BRWD3: variants seen among roughly 807,000 people sequenced by gnomAD.
BRWD3 encodes bromodomain and WD repeat domain containing 3.
A neutral mutation model predicts 149.7 loss-of-function variants in BRWD3; 10 were observed. That is an observed-to-expected ratio of 0.07 (90% confidence interval 0.04 to 0.11). The LOEUF (loss-of-function observed/expected upper bound fraction) is 0.11, where lower values mean the gene tolerates loss of function less well. BRWD3 is among the 10% of genes least tolerant of loss of function. The probability of loss-of-function intolerance (pLI) is 1.00; values close to 1 mark genes in which losing one functional copy is unlikely to be tolerated. For missense variants in BRWD3, 940 were observed against 1,373.2 expected (o/e 0.68, Z 4.99); for synonymous variants, 504 against 456.7 (o/e 1.10, Z -1.32).
chrX:80,801,823 A>G (rs1214639519), intron 4 of BRWD3, among the ~76,000 whole-genome samples: 2 of 110,738 alleles, frequency 1.8e-5, no homozygotes, highest in African/African-American at 3.3e-5. Context: ...ACAGAGCAAA[A>G]CTCTGTCTCA....
At position 80,789,374 on chromosome X, in the gene BRWD3, A is replaced by AT. The variant is rs1318459868; in HGVS notation, c.430+2479dup. The stretch of plus-strand genomic sequence containing the variant: ...TTCTGGAAAGAGTTTCCATGCTTAA[A>AT]TTTTTTTTTTCTTTTTTTTGAGACG... On this transcript the variant is annotated intron_variant, in intron 6 of 40. Coordinates refer to ENST00000373275, the MANE Select transcript of BRWD3 (RefSeq NM_153252.5). Among the ~76,000 whole-genome samples, 12 of 108,547 alleles carry AT rather than the reference A, an allele frequency of 1.1e-4. No homozygotes were observed. In the East Asian group the frequency reaches 2.3e-3, roughly 21 times the overall value. 94.3% of individuals were successfully genotyped at this position (108,547 alleles called of 115,157 possible).
rs372993559 is a variant in BRWD3, at chrX:80,686,903, G to A, written c.3965C>T (p.Ser1322Leu). The change falls in exon 35 of 41, where the codon TCG (serine) becomes TTG (leucine). Residue 1322 changes from serine to leucine, a missense_variant. Physicochemically the swap from Ser to Leu is moderately radical, Grantham distance 145. Transcript: ENST00000373275. Reference sequence around the variant, plus strand: ...ATCAGCTGGCTGTCGAAATGGCTCCGAGTCTTCACGTTCATAAATGAGGCT... The same window carrying A: ...ATCAGCTGGCTGTCGAAATGGCTCCAAGTCTTCACGTTCATAAATGAGGCT... ...LLSLIYERED[S>L]EPFRQPADLL... 1.1e-5 allele frequency: 13 copies of A among 1,207,224 alleles called. No individual in the cohort carries two copies. The highest frequency in any genetic ancestry group is 6.6e-5 in the Admixed American group (3 of 45,471).
intron 26 of BRWD3, among the ~76,000 whole-genome samples, chrX:80,696,262 T>C (rs2072690379): frequency 9.0e-6 from 1 of 110,894 alleles, no homozygotes; most frequent in Admixed American, 9.7e-5. Flanking sequence ...GAATTAATGT[T>C]CTTTAATCTC....
At chrX:80,710,225 C>T (rs771985128) in intron 20 of BRWD3, 34 of 416,066 alleles carry the variant, frequency 8.2e-5, no homozygotes, top group Non-Finnish European at 1.5e-4. Flanking sequence ...TAGACCACTT[C>T]CTGTGTCTTC....
At chrX:80,783,042 A>T (rs2074071783) in intron 6 of BRWD3, among the ~76,000 whole-genome samples, 2 of 111,627 alleles carry the variant, frequency 1.8e-5, no homozygotes, top group East Asian at 2.8e-4. Flanking sequence ...AATGGCAAAC[A>T]GGCATATGAA....
chrX:80,760,108 CT>C (rs1322957677), intron 6 of BRWD3, among the ~76,000 whole-genome samples: 1 of 112,069 alleles, frequency 8.9e-6, no homozygotes, highest in Non-Finnish European at 1.9e-5. Flanking sequence ...TACTTTGTTA[CT>C]TCATACCTAA....
chrX:80,714,796 T>C (rs897797552), intron 20 of BRWD3, among the ~76,000 whole-genome samples: 15 of 111,864 alleles, frequency 1.3e-4, no homozygotes, highest in South Asian at 3.7e-4. Context: ...TTATATCCCA[T>C]TGAGGATTAT....
At chrX:80,805,966 A>T (rs1485561731) in intron 4 of BRWD3, among the ~76,000 whole-genome samples, 1 of 111,934 alleles carries the variant, frequency 8.9e-6, no homozygotes. Flanking sequence ...CACCTACCCC[A>T]AGAAAAAGTA....
At chrX:80,762,259 G>A (rs949877383) in intron 6 of BRWD3, among the ~76,000 whole-genome samples, 14 of 111,501 alleles carry the variant, frequency 1.3e-4, no homozygotes, top group African/African-American at 4.2e-4. Context: ...TTGAATGGAC[G>A]TTAAAGATAA....
Position 80,782,564 on chromosome X carries a change from GA to G in BRWD3, c.430+9289del, listed in dbSNP as rs746819019. Among the ~76,000 whole-genome samples, 58 of 111,289 alleles carry G rather than the reference GA, an allele frequency of 5.2e-4. No homozygotes were observed. The South Asian group carries it at 9.3e-3, about 18-fold the overall frequency. ...AATGAAAAGACAACCCAAATAATGA[GA>G]AAAAATATTTACAAAGTATCCATCT... On this transcript the variant is annotated intron_variant, in intron 6 of 40. Coordinates refer to ENST00000373275, the MANE Select transcript of BRWD3 (RefSeq NM_153252.5).
rs2147661628 is a variant in BRWD3 at position 80,671,696 on chromosome X, C to T, written c.*4913G>A. 1 of 111,996 alleles carries T rather than the reference C, an allele frequency of 8.9e-6. No individual in the cohort carries two copies. Among genetic ancestry groups the T allele is most frequent in the South Asian group, 3.7e-4 (1 of 2,702 alleles). The allele number at this position is 111,996 out of a possible 1,213,427, so 9.2% of individuals were successfully genotyped here. On this transcript the variant is annotated 3_prime_UTR_variant, in exon 41 of 41. Transcript: ENST00000373275. ...TTATAAATCAAGCCAGTTTATATTACCTTTTTTACTGAATTTTAGTTTAAC... is the reference window on the plus strand; with the variant it reads ...TTATAAATCAAGCCAGTTTATATTATCTTTTTTACTGAATTTTAGTTTAAC...
chrX:80,696,626 C>T, intron 26 of BRWD3, 113 bp downstream of exon 26: 1 of 867,259 alleles, frequency 1.2e-6, no homozygotes, highest in African/African-American at 2.0e-5. Flanking sequence ...ATTCTAAACC[C>T]TGTAGTAAAG....
At chrX:80,784,662 G>C (rs2147845331) in intron 6 of BRWD3, among the ~76,000 whole-genome samples, 1 of 111,724 alleles carries the variant, frequency 9.0e-6, no homozygotes, top group Non-Finnish European at 1.9e-5. Flanking sequence ...TCCTGTGTTA[G>C]TTTGCTGAGG....
At chrX:80,692,295 A>G in intron 28 of BRWD3, 145 bp from the exon 29 acceptor site, 1 of 511,805 alleles carries the variant, frequency 2.0e-6, no homozygotes. Flanking sequence ...GGTTACATAC[A>G]GATAACAATA....
intron 27 of BRWD3, among the ~76,000 whole-genome samples, chrX:80,694,133 A>G (rs2072648323): frequency 9.0e-6 from 1 of 111,721 alleles, no homozygotes; most frequent in Admixed American, 9.5e-5. Flanking sequence ...TCCAGCCATG[A>G]CTAAAAGGGG....
rs1017704827 is a variant in BRWD3 at position 80,725,450 on chromosome X, C to A, written c.1387-383G>T. On this transcript the variant is annotated intron_variant, in intron 14 of 40. Coordinates refer to ENST00000373275, the MANE Select transcript of BRWD3 (RefSeq NM_153252.5). Reference sequence around the variant, plus strand: ...GATAAATACAATCCAGCACTCTATTCTCTATTACTGGTATTCAAATTGTAT... The same window carrying A: ...GATAAATACAATCCAGCACTCTATTATCTATTACTGGTATTCAAATTGTAT... Among the ~76,000 whole-genome samples the A allele has an allele frequency of 8.0e-5, 9 of 112,076 alleles. No homozygotes were observed. The East Asian group carries it at 2.2e-3, about 28-fold the overall frequency.
chrX:80,716,957 T>A (rs1195317319), intron 19 of BRWD3: 1 of 112,112 alleles, frequency 8.9e-6, no homozygotes, highest in Non-Finnish European at 1.9e-5. Context: ...ATTTGTTGGT[T>A]GATCTGGTAA....
At chrX:80,801,279 G>C (rs1231172108) in intron 4 of BRWD3, among the ~76,000 whole-genome samples, 1 of 97,233 alleles carries the variant, frequency 1.0e-5, no homozygotes, top group African/African-American at 3.8e-5. Flanking sequence ...GAGGGCAGTG[G>C]GCGAGATCTG....
intron 4 of BRWD3, among the ~76,000 whole-genome samples, chrX:80,808,050 C>A (rs954332182): frequency 2.2e-5 from 2 of 89,682 alleles, no homozygotes; most frequent in Admixed American, 2.6e-4. Context: ...CTTCCTCCCA[C>A]GCCTCCCCCC....
Sources: allele counts gnomAD v4.1 joint callset (sites outside exome capture counted in the v4.1 genomes callset), GRCh38; gene constraint gnomAD v4.1.1; transcripts MANE v1.5; gene names NCBI Gene and HGNC (gene_info 2026-07-23, HGNC 2026-07-21).